The following ZBTB20 variants were observed in gnomAD, a reference collection of about 807,000 sequenced individuals.
ZBTB20 encodes the protein zinc finger and BTB domain-containing protein 20.
Under a neutral mutation model 56.9 loss-of-function variants are expected in ZBTB20, and 9 were observed. That is an observed-to-expected ratio of 0.16 (90% CI 0.10 to 0.28). The LOEUF is 0.28. Ranked by LOEUF, ZBTB20 falls within the 10% of genes least tolerant of loss-of-function variation. ZBTB20 has a pLI of 1.00. For synonymous variants in ZBTB20, 417 were observed against 420.7 expected (o/e 0.99, Z 0.11); for missense variants, 655 against 1,003.0 (o/e 0.65, Z 4.69).
chr3:114,824,960 TGAGG>T (rs2073448192), intron 4 of ZBTB20, among the ~76,000 whole-genome samples: 1 of 151,940 alleles, frequency 6.6e-6, no homozygotes, highest in East Asian at 1.9e-4. Flanking sequence ...TTGTGACCAA[TGAGG>T]TTTGACTCAC....
intron 6 of ZBTB20, among the ~76,000 whole-genome samples, chr3:114,505,246 A>C (rs992995195): frequency 2.0e-5 from 3 of 152,172 alleles, no homozygotes; most frequent in Non-Finnish European, 2.9e-5. Context: ...GCTTTTCTGA[A>C]CATGAGATTC....
Position 114,371,545 on chromosome 3 carries a change from T to C in ZBTB20, c.199+8672A>G, listed in dbSNP as rs1211212688. 3.3e-5 allele frequency among the ~76,000 whole-genome samples: 5 copies of C among 152,206 alleles called. No individual in the cohort carries two copies. The East Asian group carries it at 9.6e-4, about 29-fold the overall frequency. ...GACTCTAAGTCTCTGAGCCTAGGGC[T>C]CCAGTTTATAAAACTGCGTCCTGCA... On this transcript the variant is annotated intron_variant, in intron 10 of 11. Transcript: ENST00000675478.
intron 2 of ZBTB20, among the ~76,000 whole-genome samples, chr3:114,985,506 T>C (rs1366267514): frequency 1.3e-5 from 2 of 152,238 alleles, no homozygotes; most frequent in Admixed American, 1.3e-4. Context: ...ACAACATTGT[T>C]CTTCTCAGCT....
At chr3:114,625,166 T>G (rs936428608) in intron 6 of ZBTB20, among the ~76,000 whole-genome samples, 1 of 151,010 alleles carries the variant, frequency 6.6e-6, no homozygotes, top group South Asian at 2.1e-4. Flanking sequence ...CAGGTCAAAA[T>G]GAAAGCGCCT....
chr3:114,734,127 A>T (rs1578596229), intron 5 of ZBTB20, among the ~76,000 whole-genome samples: 3 of 152,116 alleles, frequency 2.0e-5, no homozygotes, highest in African/African-American at 7.2e-5. Flanking sequence ...CATGGTCCCC[A>T]GACTTACAAA....
intron 3 of ZBTB20, among the ~76,000 whole-genome samples, chr3:114,921,871 C>A (rs72958293): frequency 6.6e-6 from 1 of 151,866 alleles, no homozygotes; most frequent in Non-Finnish European, 1.5e-5. Context: ...AATAAATATA[C>A]ACATATATAT....
chr3:114,615,166 T>C (rs2057843828), intron 6 of ZBTB20, among the ~76,000 whole-genome samples: 1 of 152,246 alleles, frequency 6.6e-6, no homozygotes. Context: ...TTTGAATCTT[T>C]CCTATTGGTT....
intron 6 of ZBTB20, among the ~76,000 whole-genome samples, chr3:114,629,923 G>A (rs2058849748): frequency 6.6e-6 from 1 of 152,124 alleles, no homozygotes; most frequent in Admixed American, 6.6e-5. Flanking sequence ...TAGGGCCGAG[G>A]TGGGTCTTCA....
At chr3:114,405,543 C>T (rs886244579) in intron 7 of ZBTB20, among the ~76,000 whole-genome samples, 2 of 151,962 alleles carry the variant, frequency 1.3e-5, no homozygotes, top group African/African-American at 4.8e-5. Context: ...ATGCTGAATG[C>T]TTTTATATAT....
At chr3:114,857,975 G>T (rs1389575117) in intron 4 of ZBTB20, among the ~76,000 whole-genome samples, 2 of 152,172 alleles carry the variant, frequency 1.3e-5, no homozygotes, top group African/African-American at 4.8e-5. Context: ...ACGATTAATG[G>T]AAAATTCTGG....
At chr3:114,644,608 C>T (rs1036760904) in intron 6 of ZBTB20, among the ~76,000 whole-genome samples, 1 of 152,044 alleles carries the variant, frequency 6.6e-6, no homozygotes, top group South Asian at 2.1e-4. Flanking sequence ...ACAACAGGTG[C>T]TGCATGATTG....
chr3:114,698,796 G>A (rs796896552), intron 5 of ZBTB20, among the ~76,000 whole-genome samples: 2 of 152,196 alleles, frequency 1.3e-5, no homozygotes, highest in African/African-American at 4.8e-5. Context: ...TTAAACAGAT[G>A]CGTACTCTGT....
rs535398292 is a variant in ZBTB20, at chr3:115,050,152, C to T, written c.-507+21067G>A. Among the ~76,000 whole-genome samples, 9 of 151,934 alleles carry T rather than the reference C, an allele frequency of 5.9e-5. No individual in the cohort carries two copies. In the South Asian group the frequency reaches 1.9e-3, roughly 31 times the overall value. On this transcript the variant is annotated intron_variant, in intron 2 of 11. Transcript: ENST00000675478. ...TTAAAACATGTTATAACTAAAATAACTTAGGTAAAACCAAAAATGATGTGG... is the reference window on the plus strand; with the variant it reads ...TTAAAACATGTTATAACTAAAATAATTTAGGTAAAACCAAAAATGATGTGG...
At chr3:114,883,568 T>C (rs1348746191) in intron 4 of ZBTB20, among the ~76,000 whole-genome samples, 1 of 152,206 alleles carries the variant, frequency 6.6e-6, no homozygotes, top group African/African-American at 2.4e-5. Context: ...TAATATGTTT[T>C]TGATATTGGA....
chr3:114,992,838 C>G (rs1341842311), intron 2 of ZBTB20, among the ~76,000 whole-genome samples: 1 of 151,688 alleles, frequency 6.6e-6, no homozygotes, highest in Non-Finnish European at 1.5e-5. Flanking sequence ...GCCATGAGTG[C>G]CTTAGGAATC....
intron 2 of ZBTB20, among the ~76,000 whole-genome samples, chr3:114,988,514 G>A (rs1576498321): frequency 2.6e-5 from 4 of 152,074 alleles, no homozygotes; most frequent in South Asian, 4.2e-4. Context: ...TGGACATTTG[G>A]GTTGATTCCA....
At chr3:114,786,759 A>G (rs1246176961) in intron 5 of ZBTB20, among the ~76,000 whole-genome samples, 3 of 152,066 alleles carry the variant, frequency 2.0e-5, no homozygotes, top group Non-Finnish European at 4.4e-5. Context: ...TATAATGACT[A>G]GAATAAAAAA....
intron 6 of ZBTB20, chr3:114,688,362 T>G (rs1312202470): frequency 6.7e-6 from 1 of 150,100 alleles, no homozygotes; most frequent in East Asian, 2.0e-4. Flanking sequence ...AGCCTGCACA[T>G]GTATCCTCTG....
chr3:114,678,363 T>C (rs532203465), intron 6 of ZBTB20, among the ~76,000 whole-genome samples: 1 of 152,308 alleles, frequency 6.6e-6, no homozygotes, highest in South Asian at 2.1e-4. Flanking sequence ...GCACTTAAAA[T>C]TGATCCTACT....
Sources: gnomAD v4.1 joint callset for allele counts (sites outside exome capture counted in the v4.1 genomes callset) on GRCh38, gnomAD v4.1.1 for gene constraint, MANE v1.5 for transcripts, NCBI Gene and HGNC (gene_info 2026-07-23, HGNC 2026-07-21) for gene names.